The following PHACTR4 variants were observed in gnomAD, a reference collection of about 807,000 sequenced individuals.
PHACTR4 encodes the protein phosphatase and actin regulator 4, also known as protein phosphatase 1, regulatory subunit 124.
A neutral mutation model predicts 72.7 loss-of-function variants in PHACTR4; 51 were observed. The observed-to-expected ratio is 0.70, with a 90% CI of 0.56 to 0.89. The LOEUF is 0.89. Among genes scored for constraint, PHACTR4 ranks in the 40% least tolerant of loss-of-function variants. The pLI, the probability that PHACTR4 is intolerant of heterozygous loss-of-function variation, is 0.00. For synonymous variants in PHACTR4, 255 were observed against 302.5 expected (o/e 0.84, Z 1.63); for missense variants, 731 against 861.8 (o/e 0.85, Z 1.90).
At chr1:28,469,676 A>G (rs948710133) in intron 6 of PHACTR4, among the ~76,000 whole-genome samples, 19 of 151,164 alleles carry the variant, frequency 1.3e-4, no homozygotes, top group African/African-American at 4.6e-4. Context: ...CTTTCCAAAA[A>G]TATCTCTTTC....
intron 2 of PHACTR4, among the ~76,000 whole-genome samples, chr1:28,449,791 G>A (rs1038363272): frequency 7.9e-5 from 12 of 151,988 alleles, no homozygotes; most frequent in African/African-American, 2.9e-4. Flanking sequence ...GGCAGGGGTT[G>A]CAGTGAGCTG....
At chr1:28,454,062 AT>A (rs1014180978) in intron 2 of PHACTR4, 343 of 259,134 alleles carry the variant, frequency 1.3e-3, no homozygotes, top group East Asian at 3.1e-3. Flanking sequence ...TTAAAAAAAA[AT>A]TTTTTTTTTA....
At position 28,440,095 on chromosome 1, in the gene PHACTR4, A is replaced by T. The variant is rs372042774; in HGVS notation, c.17-18990A>T. Among the ~76,000 whole-genome samples the T allele has an allele frequency of 3.0e-4, 46 of 152,032 alleles. No individual in the cohort carries two copies. The East Asian group carries it at 7.9e-3, about 26-fold the overall frequency. The stretch of plus-strand genomic sequence containing the variant: ...GGCAGGCGGATCATGAGGTCAGGCG[A>T]TCGAGACCATTCTGGCTAACACGGT... On this transcript the variant is annotated intron_variant, in intron 2 of 13. Coordinates refer to ENST00000373839, the MANE Select transcript of PHACTR4 (RefSeq NM_001048183.3).
At chr1:28,406,849 T>G (rs1170004902) in intron 1 of PHACTR4, among the ~76,000 whole-genome samples, 1 of 152,180 alleles carries the variant, frequency 6.6e-6, no homozygotes, top group Non-Finnish European at 1.5e-5. Context: ...GTGGATAAAC[T>G]TACAGCTTAC....
At chr1:28,479,719 C>T (rs992291137) in intron 8 of PHACTR4, among the ~76,000 whole-genome samples, 1 of 151,276 alleles carries the variant, frequency 6.6e-6, no homozygotes, top group Non-Finnish European at 1.5e-5. Flanking sequence ...ACCCGAAACC[C>T]GGTGTCTACT....
At position 28,484,493 on chromosome 1, in the gene PHACTR4, T is replaced by C. The variant is rs183586005; in HGVS notation, c.1760+3889T>C. Among the ~76,000 whole-genome samples, 1,339 of 149,136 alleles carry C rather than the reference T, an allele frequency of 9.0e-3. 17 individuals are homozygous for C. The highest frequency in any genetic ancestry group is 0.033 in the African/African-American group (1,279 of 38,898). ...ATGTGTGTATGTGTATATATATGTG[T>C]GTATGTGTATATATATGTGTGTATG... On this transcript the variant is annotated intron_variant, in intron 9 of 13. Coordinates refer to ENST00000373839, the MANE Select transcript of PHACTR4 (RefSeq NM_001048183.3).
chr1:28,496,592 T>G lies in PHACTR4; in HGVS notation c.*43T>G. ...GGAATCAACATGGCTGCTTTGCTGC[T>G]TCCTTCTCCAAAGTGACATATGGAG... is the stretch of plus-strand genomic sequence containing the variant. On this transcript the variant is annotated 3_prime_UTR_variant, in exon 14 of 14. Coordinates refer to ENST00000373839, the MANE Select transcript of PHACTR4 (RefSeq NM_001048183.3). 1 of 1,610,384 alleles carries G rather than the reference T, an allele frequency of 6.2e-7. No homozygotes were observed.
intron 1 of PHACTR4, among the ~76,000 whole-genome samples, chr1:28,401,673 A>G (rs1165877527): frequency 6.6e-6 from 1 of 151,950 alleles, no homozygotes; most frequent in African/African-American, 2.4e-5. Context: ...TGGTGCAGTC[A>G]TAGCTCACTG....
At chr1:28,435,794 A>G (rs1656595030) in intron 2 of PHACTR4, among the ~76,000 whole-genome samples, 2 of 152,222 alleles carry the variant, frequency 1.3e-5, no homozygotes, top group African/African-American at 4.8e-5. Context: ...CTGAGTGACA[A>G]GCAATGCATT....
intron 4 of PHACTR4, among the ~76,000 whole-genome samples, chr1:28,465,042 T>TAGTA (rs1659050893): frequency 6.6e-6 from 1 of 152,102 alleles, no homozygotes; most frequent in Non-Finnish European, 1.5e-5. Context: ...ACTTGGCACA[T>TAGTA]AGTAGGCTAT....
At chr1:28,430,475 G>A (rs1439834875) in intron 2 of PHACTR4, among the ~76,000 whole-genome samples, 2 of 152,130 alleles carry the variant, frequency 1.3e-5, no homozygotes, top group Admixed American at 1.3e-4. Context: ...GTAGCTTGAG[G>A]CACATGTTAT....
rs777242974 is a variant in PHACTR4 at position 28,466,704 on chromosome 1, C to T, written c.759C>T (p.Val253=). The T allele has an allele frequency of 3.1e-6, 5 of 1,613,928 alleles. No homozygotes were observed. The African/African-American group carries it at 6.7e-5, about 22-fold the overall frequency. ...TTATPSLTHM[V]PAKQPPIPPP... is the part of the protein sequence containing the mutation. ...CTACCCCAAGCCTCACTCATATGGTCCCTGCCAAGCAGCCCCCTATCCCTC... is the reference window on the plus strand; with the variant it reads ...CTACCCCAAGCCTCACTCATATGGTTCCTGCCAAGCAGCCCCCTATCCCTC... Residue 253 remains valine, a synonymous_variant, in exon 6 of 14, where the codon GTC becomes GTT. Coordinates refer to ENST00000373839, the MANE Select transcript of PHACTR4 (RefSeq NM_001048183.3).
chr1:28,467,593 C>G (rs1659278217), intron 6 of PHACTR4, among the ~76,000 whole-genome samples: 1 of 152,062 alleles, frequency 6.6e-6, no homozygotes, highest in Non-Finnish European at 1.5e-5. Flanking sequence ...ATTAATGAGT[C>G]TAGTAGATAA....
chr1:28,439,381 C>T (rs1656842231), intron 2 of PHACTR4, among the ~76,000 whole-genome samples: 1 of 152,010 alleles, frequency 6.6e-6, no homozygotes, highest in South Asian at 2.1e-4. Context: ...CCAAATGTTT[C>T]ATAATGTAGT....
At chr1:28,457,805 CAT>C in intron 2 of PHACTR4, 1 of 985,122 alleles carries the variant, frequency 1.0e-6, no homozygotes, top group South Asian at 4.7e-5. Flanking sequence ...GGTTTTTCCA[CAT>C]GACTCTTTTT....
chr1:28,423,616 G>A (rs74064738), intron 2 of PHACTR4, among the ~76,000 whole-genome samples: 13,244 of 152,064 alleles, frequency 0.087, 1,234 homozygotes, highest in African/African-American at 0.24. Context: ...TAGGTTTATG[G>A]TGTAGCAAAG....
intron 2 of PHACTR4, among the ~76,000 whole-genome samples, chr1:28,457,527 C>T (rs1022446138): frequency 6.6e-6 from 1 of 151,936 alleles, no homozygotes; most frequent in Admixed American, 6.6e-5. Context: ...CATTTGAGAT[C>T]GGGAATTTGA....
intron 1 of PHACTR4, among the ~76,000 whole-genome samples, chr1:28,381,769 G>GA: frequency 6.6e-6 from 1 of 152,020 alleles, no homozygotes; most frequent in South Asian, 2.1e-4. Flanking sequence ...GTCCTTTGCC[G>GA]ACTTTTTTCT....
At chr1:28,466,171 G>T (rs1659153360) in intron 5 of PHACTR4, among the ~76,000 whole-genome samples, 1 of 152,138 alleles carries the variant, frequency 6.6e-6, no homozygotes, top group Non-Finnish European at 1.5e-5. Context: ...CTTGTGTGAA[G>T]AATCACTACC....
Sources: gnomAD v4.1 joint callset for allele counts (sites outside exome capture counted in the v4.1 genomes callset) on GRCh38, gnomAD v4.1.1 for gene constraint, MANE v1.5 for transcripts, NCBI Gene and HGNC (gene_info 2026-07-23, HGNC 2026-07-21) for gene names.